TTC28: variants seen among roughly 807,000 people sequenced by gnomAD.
The protein encoded by TTC28 is tetratricopeptide repeat protein 28.
A neutral mutation model predicts 198.0 loss-of-function variants in TTC28; 61 were observed. That is an observed-to-expected ratio of 0.31 (90% CI 0.25 to 0.38). The LOEUF is 0.38. Ranked by LOEUF, TTC28 falls within the 10% of genes least tolerant of loss-of-function variation. The pLI, the probability that TTC28 is intolerant of heterozygous loss-of-function variation, is 1.00. For missense variants in TTC28, 2,678 were observed against 3,164.0 expected, an observed-to-expected ratio of 0.85 and a Z score of 3.69; for synonymous variants, 1,171 against 1,297.8, an observed-to-expected ratio of 0.90 and a Z score of 2.10.
At chr22:28,349,558 G>A (rs572358331) in intron 2 of TTC28, among the ~76,000 whole-genome samples, 101 of 152,272 alleles carry the variant, frequency 6.6e-4, no homozygotes, top group African/African-American at 2.3e-3. Context: ...CTGGAAAGGA[G>A]CCAAGAGGCT....
intron 12 of TTC28, among the ~76,000 whole-genome samples, chr22:28,063,677 G>A (rs79037983): frequency 0.079 from 12,022 of 152,164 alleles, 645 homozygotes; most frequent in East Asian, 0.31. Flanking sequence ...CATTTTACCT[G>A]TCCACTCTAT....
intron 2 of TTC28, among the ~76,000 whole-genome samples, chr22:28,394,923 A>G (rs1188490587): frequency 6.6e-6 from 1 of 152,132 alleles, no homozygotes. Context: ...TACTATGACT[A>G]TGTGCTCCAG....
At chr22:28,318,073 ATT>A (rs35011623) in intron 2 of TTC28, among the ~76,000 whole-genome samples, 11,287 of 139,686 alleles carry the variant, frequency 0.081, 558 homozygotes, top group South Asian at 0.19. Flanking sequence ...CAGCTAATTA[ATT>A]TTTTTTTTTT....
chr22:28,248,123 C>T (rs955218102), intron 5 of TTC28, among the ~76,000 whole-genome samples: 1 of 152,182 alleles, frequency 6.6e-6, no homozygotes, highest in Non-Finnish European at 1.5e-5. Flanking sequence ...TGATAAATGA[C>T]CCATTCAACT....
At chr22:28,646,860 T>C (rs2051476089) in intron 1 of TTC28, among the ~76,000 whole-genome samples, 1 of 151,606 alleles carries the variant, frequency 6.6e-6, no homozygotes, top group Non-Finnish European at 1.5e-5. Flanking sequence ...CGAAACTCTG[T>C]CGAAAGAAAG....
intron 5 of TTC28, among the ~76,000 whole-genome samples, chr22:28,204,385 T>C (rs1191696190): frequency 6.6e-6 from 1 of 152,168 alleles, no homozygotes; most frequent in Non-Finnish European, 1.5e-5. Flanking sequence ...GTAATAGTAA[T>C]AGCTATCTTT....
intron 5 of TTC28, among the ~76,000 whole-genome samples, chr22:28,167,210 C>T (rs950423523): frequency 2.6e-5 from 4 of 152,156 alleles, no homozygotes; most frequent in African/African-American, 4.8e-5. Context: ...AGGTCCAGGA[C>T]CAGATGGATT....
In TTC28 at chr22:28,169,185, G is replaced by C. The variant is rs564476921; in HGVS notation, c.934-5586C>G. 3.9e-3 allele frequency among the ~76,000 whole-genome samples: 598 copies of C among 152,316 alleles called. 5 individuals are homozygous for C. Among genetic ancestry groups the C allele is most frequent in the Middle Eastern group, 0.031 (9 of 294 alleles). ...AAGTCAGGAAACAACAGGTGCTGGA[G>C]AGGATGTGGAGAAATAGGAACACTT... is the stretch of plus-strand genomic sequence containing the variant. On this transcript the variant is annotated intron_variant, in intron 5 of 22. Transcript: ENST00000397906.
At chr22:28,346,086 T>C (rs2045898596) in intron 2 of TTC28, among the ~76,000 whole-genome samples, 1 of 152,198 alleles carries the variant, frequency 6.6e-6, no homozygotes, top group Non-Finnish European at 1.5e-5. Context: ...TTTTCACGTA[T>C]TCTTTATAAC....
intron 8 of TTC28, among the ~76,000 whole-genome samples, chr22:28,102,599 G>A (rs913933267): frequency 1.2e-4 from 18 of 152,072 alleles, no homozygotes; most frequent in Non-Finnish European, 7.4e-5. Context: ...GGCTCCCACC[G>A]TACAACTGCA....
At chr22:28,585,410 G>T (rs770441213) in intron 2 of TTC28, among the ~76,000 whole-genome samples, 1 of 152,126 alleles carries the variant, frequency 6.6e-6, no homozygotes, top group Non-Finnish European at 1.5e-5. Flanking sequence ...CCGTGCATGC[G>T]CAGTTCACGA....
intron 2 of TTC28, among the ~76,000 whole-genome samples, chr22:28,541,403 C>T (rs1359444738): frequency 6.6e-6 from 1 of 152,090 alleles, no homozygotes; most frequent in African/African-American, 2.4e-5. Context: ...TAAAGCAGTT[C>T]AAGGTGGCAG....
intron 2 of TTC28, among the ~76,000 whole-genome samples, chr22:28,560,839 C>T (rs1366198427): frequency 6.6e-6 from 1 of 151,178 alleles, no homozygotes; most frequent in Non-Finnish European, 1.5e-5. Flanking sequence ...TCACTCCAAC[C>T]TCCTCCTCCT....
intron 2 of TTC28, among the ~76,000 whole-genome samples, chr22:28,478,659 T>C (rs2048199904): frequency 6.6e-6 from 1 of 152,160 alleles, no homozygotes; most frequent in Admixed American, 6.5e-5. Flanking sequence ...CAAGATAGGC[T>C]ATGAGTTGCT....
chr22:28,056,940 C>T (rs1040288718), intron 12 of TTC28, among the ~76,000 whole-genome samples: 3 of 152,112 alleles, frequency 2.0e-5, no homozygotes, highest in South Asian at 2.1e-4. Context: ...AAGTATTTTT[C>T]GGATTCATCC....
chr22:28,087,844 C>T (rs892564574), intron 12 of TTC28, among the ~76,000 whole-genome samples: 7 of 152,240 alleles, frequency 4.6e-5, no homozygotes, highest in African/African-American at 1.7e-4. Context: ...GTACAAAAAT[C>T]ACAAGCATTC....
At chr22:28,634,124 C>T (rs996413516) in intron 1 of TTC28, among the ~76,000 whole-genome samples, 5 of 152,076 alleles carry the variant, frequency 3.3e-5, no homozygotes, top group East Asian at 1.9e-4. Flanking sequence ...AAGAAAAATG[C>T]GCTGTAGTAA....
In TTC28 at chr22:28,085,058, G is replaced by A. The variant is rs558802330; in HGVS notation, c.3932+9022C>T. ...GATTGGTGTACCTGAAAGTCATGGG[G>A]AGAATGGAACCAAGGTGGAAAACAC... On this transcript the variant is annotated intron_variant, in intron 12 of 22. Transcript: ENST00000397906. Among the ~76,000 whole-genome samples the A allele has an allele frequency of 2.1e-4, 32 of 152,218 alleles. 1 individual carries two copies. In the South Asian group the frequency reaches 6.6e-3, roughly 32 times the overall value.
chr22:27,992,560 T>G (rs1020158871), intron 19 of TTC28, 27 bp downstream of exon 19: 1 of 1,549,928 alleles, frequency 6.5e-7, no homozygotes, highest in Non-Finnish European at 8.7e-7. Flanking sequence ...CCTCAGGCCC[T>G]GGCTCAGCCC....
Sources: gnomAD v4.1 joint callset for allele counts (sites outside exome capture counted in the v4.1 genomes callset) on GRCh38, gnomAD v4.1.1 for gene constraint, MANE v1.5 for transcripts, NCBI Gene and HGNC (gene_info 2026-07-23, HGNC 2026-07-21) for gene names.